Variants in MTR observed in about 807,000 individuals in gnomAD.
MTR encodes 5-methyltetrahydrofolate-homocysteine methyltransferase, also known as methionine synthase.
A neutral mutation model predicts 154.8 loss-of-function variants in MTR; 84 were observed. The observed-to-expected ratio is 0.54, with a 90% CI of 0.45 to 0.65. The LOEUF is 0.65. MTR is among the 30% of genes least tolerant of loss of function. The pLI, the probability that MTR is intolerant of heterozygous loss-of-function variation, is 0.00. For missense variants in MTR, 1,275 were observed against 1,570.2 expected (o/e 0.81, Z 3.18); for synonymous variants, 554 against 553.9 (o/e 1.00, Z 0.00).
chr1:236,820,341 C>G, intron 8 of MTR: 3 of 756,482 alleles, frequency 4.0e-6, no homozygotes, highest in Middle Eastern at 3.6e-4. Context: ...CTCCAGCTCC[C>G]GAGTTCACTG....
At chr1:236,829,898 GT>G (rs1350169033) in intron 12 of MTR, among the ~76,000 whole-genome samples, 1 of 152,138 alleles carries the variant, frequency 6.6e-6, no homozygotes, top group Admixed American at 6.5e-5. Context: ...GCTTCAGTAT[GT>G]TCATGATGTA....
chr1:236,870,049 A>G (rs1193862571), intron 22 of MTR, among the ~76,000 whole-genome samples: 1 of 152,202 alleles, frequency 6.6e-6, no homozygotes, highest in Non-Finnish European at 1.5e-5. Context: ...CAGATGTGCC[A>G]GGAAACCCAT....
rs1056028713 is a variant in MTR at position 236,903,478 on chromosome 1, G to A, written c.*5834G>A. On this transcript the variant is annotated 3_prime_UTR_variant, in exon 33 of 33. Transcript: ENST00000366577. ...AATGTAATTTTCAAAGATGCCTTTTGCCTCATCCCTTGCTTTTAAGTATTA... is the reference window on the plus strand; with the variant it reads ...AATGTAATTTTCAAAGATGCCTTTTACCTCATCCCTTGCTTTTAAGTATTA... 2 of 147,906 alleles carry A rather than the reference G, an allele frequency of 1.4e-5. No homozygotes were observed. Among genetic ancestry groups the A allele is most frequent in the African/African-American group, 5.3e-5 (2 of 37,636 alleles). 9.2% of individuals were successfully genotyped at this position (147,906 alleles called of 1,614,324 possible).
chr1:236,819,266 C>A (rs961020020), intron 8 of MTR, among the ~76,000 whole-genome samples: 1 of 152,062 alleles, frequency 6.6e-6, no homozygotes, highest in African/African-American at 2.4e-5. Flanking sequence ...GTTATTTATT[C>A]TTTTTCCTGG....
chr1:236,852,811 G>C, intron 17 of MTR, 137 bp from the exon 18 acceptor site: 1 of 1,150,044 alleles, frequency 8.7e-7, no homozygotes, highest in Non-Finnish European at 1.3e-6. Flanking sequence ...CTTTTATGCT[G>C]TAACTACAAA....
intron 32 of MTR, 41 bp downstream of exon 32, chr1:236,897,159 A>G: frequency 1.4e-6 from 2 of 1,427,112 alleles, no homozygotes; most frequent in African/African-American, 1.4e-5. Flanking sequence ...GCCTAGTTCA[A>G]ATGAAATTCT....
At position 236,822,303 on chromosome 1, in the gene MTR, G is replaced by GTTTT. The variant is rs1198665229; in HGVS notation, c.765-1811_765-1808dup. 2.4e-4 allele frequency among the ~76,000 whole-genome samples: 28 copies of GTTTT among 115,222 alleles called. 1 individual carries two copies. The highest frequency in any genetic ancestry group is 1.1e-3 in the East Asian group (4 of 3,556). 75.6% of individuals were successfully genotyped at this position (115,222 alleles called of 152,430 possible). A position where few individuals can be genotyped will look rare whatever the true frequency, so the allele number is the denominator to read the frequency against. ...GTGCTAGTGTAAATGGTTTTGTGGGGTTTTTTTTGTTTTTTTTTTTTTTTG... is the reference window on the plus strand; with the variant it reads ...GTGCTAGTGTAAATGGTTTTGTGGGGTTTTTTTTTTTTGTTTTTTTTTTTTTTTG... On this transcript the variant is annotated intron_variant, in intron 8 of 32. Coordinates refer to ENST00000366577, the MANE Select transcript of MTR (RefSeq NM_000254.3).
chr1:236,880,610 A>G, intron 24 of MTR, 145 bp from the exon 25 acceptor site: 1 of 744,662 alleles, frequency 1.3e-6, no homozygotes, highest in South Asian at 1.5e-5. Context: ...GGGAAATTTG[A>G]AGTTCAGTAT....
At chr1:236,835,938 G>A (rs1041329498) in intron 14 of MTR, among the ~76,000 whole-genome samples, 1 of 152,134 alleles carries the variant, frequency 6.6e-6, no homozygotes, top group Non-Finnish European at 1.5e-5. Context: ...CATGAGAATT[G>A]AGTCTCCTCA....
chr1:236,867,844 A>C (rs969159275), intron 22 of MTR, among the ~76,000 whole-genome samples: 4 of 152,236 alleles, frequency 2.6e-5, no homozygotes, highest in African/African-American at 9.6e-5. Context: ...ATGAATTGCT[A>C]CAATCTCGTA....
chr1:236,833,419 C>T (rs1662727939), intron 13 of MTR, among the ~76,000 whole-genome samples: 1 of 152,220 alleles, frequency 6.6e-6, no homozygotes, highest in Non-Finnish European at 1.5e-5. Context: ...ATTTAATCAT[C>T]ACAGCCTGGT....
At chr1:236,861,630 G>A (rs748039622) in intron 20 of MTR, among the ~76,000 whole-genome samples, 11 of 152,172 alleles carry the variant, frequency 7.2e-5, no homozygotes, top group Admixed American at 6.5e-5. Flanking sequence ...ACCAGGCACT[G>A]TTCATCTGTA....
At chr1:236,877,186 T>G (rs1665481276) in intron 24 of MTR, among the ~76,000 whole-genome samples, 1 of 152,224 alleles carries the variant, frequency 6.6e-6, no homozygotes, top group Non-Finnish European at 1.5e-5. Context: ...CCATTCTAAT[T>G]AGTGACAGTG....
At chr1:236,808,802 C>T (rs770934637) in intron 4 of MTR, 29 bp downstream of exon 4, 2 of 1,601,002 alleles carry the variant, frequency 1.2e-6, no homozygotes, top group South Asian at 2.2e-5. Context: ...TTTTTTTGCA[C>T]ACGTGGTTCC....
intron 30 of MTR, chr1:236,894,972 A>T: frequency 2.8e-6 from 1 of 360,876 alleles, no homozygotes; most frequent in South Asian, 2.7e-5. Flanking sequence ...TGAGGGTAGT[A>T]GCCTTTGCCC....
intron 27 of MTR, among the ~76,000 whole-genome samples, chr1:236,886,665 G>A (rs1256999405): frequency 6.6e-6 from 1 of 152,150 alleles, no homozygotes; most frequent in African/African-American, 2.4e-5. Flanking sequence ...CTGAGTTTTG[G>A]GTGGAAACTT....
In MTR at chr1:236,795,334, T is replaced by C. The variant is rs538292642; in HGVS notation, c.-370T>C. 50 of 1,300,890 alleles carry C rather than the reference T, an allele frequency of 3.8e-5. 2 individuals are homozygous for C. The South Asian group carries it at 6.5e-4, about 17-fold the overall frequency. 80.6% of individuals were successfully genotyped at this position (1,300,890 alleles called of 1,614,324 possible). The stretch of plus-strand genomic sequence containing the variant: ...GAAAGGTTCTAAATGTCTGCGGGGC[T>C]CAGAGCCGGATGTCACGTCGTCCTC... On this transcript the variant is annotated 5_prime_UTR_variant, in exon 1 of 33. Transcript: ENST00000366577.
intron 22 of MTR, among the ~76,000 whole-genome samples, chr1:236,872,195 GT>G (rs980095339): frequency 1.3e-5 from 2 of 152,130 alleles, no homozygotes; most frequent in African/African-American, 4.8e-5. Flanking sequence ...AGACATTCCT[GT>G]TTCCTCTGAG....
chr1:236,807,711 A>G (rs545601464), intron 3 of MTR, among the ~76,000 whole-genome samples: 8 of 152,262 alleles, frequency 5.3e-5, no homozygotes, highest in African/African-American at 1.9e-4. Flanking sequence ...TTCCAGACAC[A>G]TTACTCTGTT....
Sources: gnomAD v4.1 joint callset for allele counts (sites outside exome capture counted in the v4.1 genomes callset) on GRCh38, gnomAD v4.1.1 for gene constraint, MANE v1.5 for transcripts, NCBI Gene and HGNC (gene_info 2026-07-23, HGNC 2026-07-21) for gene names.